The following BNC2 variants were observed in gnomAD, a reference collection of about 807,000 sequenced individuals.
The protein encoded by BNC2 is basonuclin zinc finger protein 2.
In BNC2, 20 loss-of-function variants were observed where a neutral mutation model predicts 76.3. The ratio of observed to expected loss-of-function variants is 0.26; its 90% CI spans 0.18 to 0.38. The LOEUF (loss-of-function observed/expected upper bound fraction) is 0.38. Among genes scored for constraint, BNC2 ranks in the 10% least tolerant of loss-of-function variants. BNC2 has a pLI of 1.00. For synonymous variants in BNC2, 582 were observed against 514.8 expected, an observed-to-expected ratio of 1.13 and a Z score of -1.77; for missense variants, 1,382 against 1,399.8, an observed-to-expected ratio of 0.99 and a Z score of 0.20.
intron 5 of BNC2, among the ~76,000 whole-genome samples, chr9:16,445,650 G>A (rs758833663): frequency 6.6e-6 from 1 of 152,176 alleles, no homozygotes; most frequent in Non-Finnish European, 1.5e-5. Flanking sequence ...CTCTAGGACA[G>A]GGATGCCCCA....
chr9:16,716,488 A>G (rs1054012044), intron 3 of BNC2, among the ~76,000 whole-genome samples: 1 of 152,188 alleles, frequency 6.6e-6, no homozygotes, highest in African/African-American at 2.4e-5. Flanking sequence ...TGCAAGGAGA[A>G]TATCTTTTAC....
chr9:16,762,884 T>C (rs772003401), intron 1 of BNC2, among the ~76,000 whole-genome samples: 8 of 152,146 alleles, frequency 5.3e-5, no homozygotes, highest in Non-Finnish European at 1.0e-4. Flanking sequence ...TTACTTAAAG[T>C]GCTTTAATGA....
chr9:16,442,742 A>G (rs146139960), intron 5 of BNC2, among the ~76,000 whole-genome samples: 2 of 152,262 alleles, frequency 1.3e-5, no homozygotes, highest in East Asian at 3.9e-4. Flanking sequence ...TCTGTCCAAG[A>G]ATGGAAGTGA....
Position 16,552,581 on chromosome 9 carries a change from C to G in BNC2, c.618G>C (p.Leu206=), listed in dbSNP as rs761706116. The part of the protein sequence containing the change: ...VLKQEEVLHI[L]HGLGWTLRDY... ...CCCGCAGAGTCCAGCCAAGGCCGTG[C>G]AGTATGTGCAGTACCTCCTCTTGCT... The change falls in exon 5 of 7, where the codon CTG becomes CTC. Residue 206 remains leucine (L), a synonymous_variant. Transcript: ENST00000380672. 3 of 1,614,108 alleles carry G rather than the reference C, an allele frequency of 1.9e-6. No individual in the cohort carries two copies. Among genetic ancestry groups the G allele is most frequent in the East Asian group, 2.2e-5 (1 of 44,894 alleles).
At position 16,673,431 on chromosome 9, in the gene BNC2, A is replaced by T. The variant is rs1458571230; in HGVS notation, c.330+54366T>A. Among the ~76,000 whole-genome samples, 13 of 102,868 alleles carry T rather than the reference A, an allele frequency of 1.3e-4. No homozygotes were observed. The South Asian group carries it at 3.2e-3, about 26-fold the overall frequency. The allele number at this position is 102,868 out of a possible 152,430, so 67.5% of individuals were successfully genotyped here. A position where few individuals can be genotyped will look rare whatever the true frequency, so the allele number is the denominator to read the frequency against. On this transcript the variant is annotated intron_variant, in intron 3 of 6. Transcript: ENST00000380672. ...ACTCCCAGGGAACATTCTGAGATTT[A>T]AAAAAAAAAAAAACACACACACACA...
rs558133283 is a variant in BNC2, at chr9:16,660,355, G to A, written c.330+67442C>T. The stretch of plus-strand genomic sequence containing the variant: ...TGTAATCCCAGCTACTAGGGAGGCT[G>A]AGGAAGGAGAATAGCTTGAACCTGG... On this transcript the variant is annotated intron_variant, in intron 3 of 6. Transcript: ENST00000380672. 3.9e-5 allele frequency among the ~76,000 whole-genome samples: 6 copies of A among 152,118 alleles called. No homozygotes were observed. In the South Asian group the frequency reaches 1.2e-3, roughly 32 times the overall value.
At chr9:16,657,821 C>T (rs1266858835) in intron 3 of BNC2, among the ~76,000 whole-genome samples, 1 of 152,120 alleles carries the variant, frequency 6.6e-6, no homozygotes, top group Non-Finnish European at 1.5e-5. Flanking sequence ...ATATATCATA[C>T]TATGATGTCA....
intron 5 of BNC2, among the ~76,000 whole-genome samples, chr9:16,527,849 G>A (rs1817859105): frequency 6.6e-6 from 1 of 152,214 alleles, no homozygotes; most frequent in African/African-American, 2.4e-5. Context: ...ATTAAGGTGG[G>A]AGAGATGAGA....
chr9:16,782,816 T>C (rs527336838), intron 1 of BNC2, among the ~76,000 whole-genome samples: 59 of 152,336 alleles, frequency 3.9e-4, no homozygotes, highest in African/African-American at 1.3e-3. Context: ...ATATCCACTA[T>C]CATTCCTAGC....
intron 5 of BNC2, among the ~76,000 whole-genome samples, chr9:16,502,396 A>G (rs905370473): frequency 6.6e-6 from 1 of 152,074 alleles, no homozygotes; most frequent in African/African-American, 2.4e-5. Flanking sequence ...GGATTGGGTT[A>G]ATTTTTTTTT....
At position 16,788,285 on chromosome 9, in the gene BNC2, G is replaced by A. The variant is rs557016431; in HGVS notation, c.4-49800C>T. The stretch of plus-strand genomic sequence containing the variant: ...AGGTCATTCCTGGGCCAGGCGCGGT[G>A]GCTCACGCCTGTAATCCCAGCACTC... On this transcript the variant is annotated intron_variant, in intron 1 of 6. Transcript: ENST00000380672. Among the ~76,000 whole-genome samples, 446 of 152,218 alleles carry A rather than the reference G, an allele frequency of 2.9e-3. 2 individuals are homozygous for A. The highest frequency in any genetic ancestry group is 6.9e-3 in the Admixed American group (106 of 15,302).
At chr9:16,534,520 C>A (rs1409583777) in intron 5 of BNC2, among the ~76,000 whole-genome samples, 2 of 151,822 alleles carry the variant, frequency 1.3e-5, no homozygotes, top group African/African-American at 4.8e-5. Flanking sequence ...GTTTATGTAC[C>A]CTGATCTTAA....
At chr9:16,590,768 C>T (rs1401121561) in intron 3 of BNC2, among the ~76,000 whole-genome samples, 3 of 152,150 alleles carry the variant, frequency 2.0e-5, no homozygotes, top group Non-Finnish European at 4.4e-5. Context: ...GATCATACCA[C>T]TGCACTCCCA....
chr9:16,594,906 A>G (rs1415295451), intron 3 of BNC2, among the ~76,000 whole-genome samples: 1 of 152,098 alleles, frequency 6.6e-6, no homozygotes, highest in Non-Finnish European at 1.5e-5. Context: ...TTCAGTTCCA[A>G]TAGGAGCTTA....
chr9:16,454,609 G>C (rs915856997), intron 5 of BNC2, among the ~76,000 whole-genome samples: 4 of 152,034 alleles, frequency 2.6e-5, no homozygotes, highest in Non-Finnish European at 5.9e-5. Flanking sequence ...CAATTTTTAT[G>C]AATTATGCTG....
chr9:16,844,857 T>C (rs532955622), intron 1 of BNC2, among the ~76,000 whole-genome samples: 1 of 152,328 alleles, frequency 6.6e-6, no homozygotes, highest in South Asian at 2.1e-4. Context: ...TATTGGTATT[T>C]GGGGCAGAAC....
chr9:16,738,552 T>G (rs1333510976), intron 1 of BNC2, 67 bp from the exon 2 acceptor site: 2 of 1,333,194 alleles, frequency 1.5e-6, no homozygotes, highest in East Asian at 5.3e-5. Flanking sequence ...ATTGAGTACA[T>G]CAAAACTTTA....
intron 5 of BNC2, among the ~76,000 whole-genome samples, chr9:16,483,060 T>C (rs972276628): frequency 6.6e-6 from 1 of 152,206 alleles, no homozygotes; most frequent in Non-Finnish European, 1.5e-5. Context: ...CCATTTTGTA[T>C]ACACAAAGGC....
rs1820423092 is a variant in BNC2 at position 16,409,824 on chromosome 9, TG to T, written c.*9164del. The T allele has an allele frequency of 6.5e-6, 1 of 152,680 alleles. No individual in the cohort carries two copies. Among genetic ancestry groups the T allele is most frequent in the Non-Finnish European group, 1.5e-5 (1 of 68,052 alleles). The allele number at this position is 152,680 out of a possible 1,614,324, so 9.5% of individuals were successfully genotyped here. A position where few individuals can be genotyped will look rare whatever the true frequency, so the allele number is the denominator to read the frequency against. On this transcript the variant is annotated 3_prime_UTR_variant, in exon 7 of 7. Coordinates refer to ENST00000380672, the MANE Select transcript of BNC2 (RefSeq NM_017637.6). ...ATGATTAGATCAGGGTGATGCACAC[TG>T]TCCCATCCCTTGGTGCAGTTACCTT...
Sources: allele counts gnomAD v4.1 joint callset (sites outside exome capture counted in the v4.1 genomes callset), GRCh38; gene constraint gnomAD v4.1.1; transcripts MANE v1.5; gene names NCBI Gene and HGNC (gene_info 2026-07-23, HGNC 2026-07-21).